The following RGS7 variants were observed in gnomAD, a reference collection of about 807,000 sequenced individuals.
RGS7 encodes regulator of G-protein signaling 7.
RGS7 carries 27 observed loss-of-function variants against 81.1 expected under a neutral mutation model. The observed-to-expected ratio is 0.33, with a 90% CI of 0.25 to 0.46. RGS7 has a LOEUF of 0.46. Ranked by LOEUF, RGS7 falls within the 20% of genes least tolerant of loss-of-function variation. The pLI is 1.00. For synonymous variants in RGS7, 208 were observed against 207.7 expected, an observed-to-expected ratio of 1.00 and a Z score of -0.01; for missense variants, 396 against 607.4, an observed-to-expected ratio of 0.65 and a Z score of 3.66.
chr1:240,922,426 T>C (rs1353132088), intron 6 of RGS7, among the ~76,000 whole-genome samples: 2 of 152,006 alleles, frequency 1.3e-5, no homozygotes, highest in African/African-American at 4.8e-5. Flanking sequence ...ATTAAGACAC[T>C]GAAAGACAAA....
chr1:240,809,370 GT>G (rs759427351), intron 14 of RGS7, among the ~76,000 whole-genome samples: 1 of 152,172 alleles, frequency 6.6e-6, no homozygotes, highest in Non-Finnish European at 1.5e-5. Flanking sequence ...GAGGGCAGCT[GT>G]TTAGGTAAGA....
chr1:241,301,377 C>T lies in RGS7; in HGVS notation c.78+54322G>A, dbSNP rs140112053. On this transcript the variant is annotated intron_variant, in intron 2 of 18. Transcript: ENST00000440928. ...CAAATTCCCTGCTTAGGTCATGACACTGAGGGGTTCAAATAGAATCATCAG... is the reference window on the plus strand; with the variant it reads ...CAAATTCCCTGCTTAGGTCATGACATTGAGGGGTTCAAATAGAATCATCAG... 3.0e-4 allele frequency among the ~76,000 whole-genome samples: 46 copies of T among 152,324 alleles called. 1 individual carries two copies. Among genetic ancestry groups the T allele is most frequent in the African/African-American group, 1.1e-3 (46 of 41,572 alleles).
intron 9 of RGS7, among the ~76,000 whole-genome samples, chr1:240,841,911 A>ATAGT (rs1428744049): frequency 4.6e-5 from 7 of 152,212 alleles, no homozygotes; most frequent in African/African-American, 1.7e-4. Context: ...AAAAAGACAA[A>ATAGT]TAACATGATG....
chr1:240,976,721 A>T (rs1243223235), intron 4 of RGS7, among the ~76,000 whole-genome samples: 1 of 143,206 alleles, frequency 7.0e-6, no homozygotes, highest in Admixed American at 7.2e-5. Context: ...AAATTCCTCA[A>T]AATCTCTATC....
chr1:240,896,257 T>A (rs1275933177), intron 6 of RGS7, among the ~76,000 whole-genome samples: 1 of 152,222 alleles, frequency 6.6e-6, no homozygotes, highest in Non-Finnish European at 1.5e-5. Flanking sequence ...GATGGTAGTT[T>A]CTTTTGCTGT....
chr1:241,008,393 A>G (rs540911567), intron 3 of RGS7, among the ~76,000 whole-genome samples: 100 of 152,166 alleles, frequency 6.6e-4, no homozygotes, highest in Non-Finnish European at 1.0e-3. Context: ...TCTTGTTCAG[A>G]TGCAGATTCT....
At chr1:240,964,991 A>G (rs1000549898) in intron 4 of RGS7, among the ~76,000 whole-genome samples, 2 of 152,176 alleles carry the variant, frequency 1.3e-5, no homozygotes, top group African/African-American at 4.8e-5. Context: ...TCTTTGTGGA[A>G]CTTTATCAGA....
chr1:241,161,492 AATTAT>A (rs1433578985), intron 2 of RGS7, among the ~76,000 whole-genome samples: 3 of 146,896 alleles, frequency 2.0e-5, no homozygotes, highest in Non-Finnish European at 4.5e-5. Context: ...AATATATAAT[AATTAT>A]ATTATTATAA....
At chr1:241,296,463 A>T (rs761781059) in intron 2 of RGS7, among the ~76,000 whole-genome samples, 1 of 152,234 alleles carries the variant, frequency 6.6e-6, no homozygotes, top group Non-Finnish European at 1.5e-5. Context: ...ATTTTAAGTA[A>T]AAAATAAGAA....
intron 2 of RGS7, among the ~76,000 whole-genome samples, chr1:241,292,628 C>G (rs1162179311): frequency 6.6e-6 from 1 of 152,192 alleles, no homozygotes; most frequent in Non-Finnish European, 1.5e-5. Flanking sequence ...AGGCTGTTCA[C>G]AGCACCACCT....
chr1:241,217,895 T>C (rs2074666551), intron 2 of RGS7, among the ~76,000 whole-genome samples: 1 of 152,188 alleles, frequency 6.6e-6, no homozygotes, highest in South Asian at 2.1e-4. Flanking sequence ...TCAATCAATT[T>C]TTGCAAGTTC....
chr1:240,780,184 T>C (rs1683735676), intron 18 of RGS7, among the ~76,000 whole-genome samples: 1 of 152,134 alleles, frequency 6.6e-6, no homozygotes, highest in Admixed American at 6.6e-5. Flanking sequence ...TGGTGGCTCA[T>C]GCTTGTAATC....
intron 2 of RGS7, among the ~76,000 whole-genome samples, chr1:241,205,612 C>A (rs1025399347): frequency 6.6e-6 from 1 of 151,770 alleles, no homozygotes; most frequent in African/African-American, 2.4e-5. Context: ...ACCACCACAC[C>A]CAGCTAATTT....
At chr1:240,861,451 T>C (rs1662178525) in intron 9 of RGS7, among the ~76,000 whole-genome samples, 1 of 152,202 alleles carries the variant, frequency 6.6e-6, no homozygotes, top group African/African-American at 2.4e-5. Flanking sequence ...TATCCAGTGA[T>C]TGCCTTTTCT....
At chr1:240,909,430 T>G (rs927603900) in intron 6 of RGS7, among the ~76,000 whole-genome samples, 1 of 152,210 alleles carries the variant, frequency 6.6e-6, no homozygotes, top group East Asian at 1.9e-4. Flanking sequence ...TTTGCCTATA[T>G]AGTGTCACTT....
At chr1:240,847,157 T>G (rs1351106044) in intron 9 of RGS7, among the ~76,000 whole-genome samples, 2 of 152,320 alleles carry the variant, frequency 1.3e-5, no homozygotes, top group African/African-American at 4.8e-5. Flanking sequence ...ATTATACCAG[T>G]TCATAGCTAT....
chr1:240,876,858 G>A (rs1208648787), intron 6 of RGS7, among the ~76,000 whole-genome samples: 1 of 152,096 alleles, frequency 6.6e-6, no homozygotes, highest in African/African-American at 2.4e-5. Context: ...CTCCTTGGGA[G>A]GCTGAAGCAG....
In RGS7 at chr1:241,196,033, C is replaced by G. The variant is rs534707239; in HGVS notation, c.79-97271G>C. Reference sequence around the variant, plus strand: ...AAAGAATACAAAGAAAACCACATAGCTAGATGCATCATAGTTAAATTTCTG... The same window carrying G: ...AAAGAATACAAAGAAAACCACATAGGTAGATGCATCATAGTTAAATTTCTG... On this transcript the variant is annotated intron_variant, in intron 2 of 18. Transcript: ENST00000440928. 2.0e-5 allele frequency among the ~76,000 whole-genome samples: 3 copies of G among 152,114 alleles called. No homozygotes were observed. In the South Asian group the frequency reaches 6.2e-4, roughly 32 times the overall value.
chr1:241,167,682 C>G (rs2070376216), intron 2 of RGS7, among the ~76,000 whole-genome samples: 1 of 152,106 alleles, frequency 6.6e-6, no homozygotes, highest in Admixed American at 6.5e-5. Context: ...CCACGCCCGG[C>G]TAATTTTTTG....
Sources: gnomAD v4.1 joint callset for allele counts (sites outside exome capture counted in the v4.1 genomes callset) on GRCh38, gnomAD v4.1.1 for gene constraint, MANE v1.5 for transcripts, NCBI Gene and HGNC (gene_info 2026-07-23, HGNC 2026-07-21) for gene names.